Variants in ATP6V1E1 observed in about 807,000 individuals in gnomAD.
ATP6V1E1 encodes the protein ATPase H+ transporting V1 subunit E1.
Under a neutral mutation model 35.2 loss-of-function variants are expected in ATP6V1E1, and 21 were observed. The observed-to-expected ratio is 0.60, with a 90% CI of 0.42 to 0.86. The LOEUF (loss-of-function observed/expected upper bound fraction) is 0.86, where lower values mean the gene tolerates loss of function less well. Among genes scored for constraint, ATP6V1E1 ranks in the 40% least tolerant of loss-of-function variants. ATP6V1E1 has a pLI of 0.00. For synonymous variants in ATP6V1E1, 83 were observed against 87.8 expected, an observed-to-expected ratio of 0.95 and a Z score of 0.30; for missense variants, 183 against 272.6, an observed-to-expected ratio of 0.67 and a Z score of 2.32.
At chr22:17,593,691 G>C (rs886653542) in intron 8 of ATP6V1E1, among the ~76,000 whole-genome samples, 1 of 152,200 alleles carries the variant, frequency 6.6e-6, no homozygotes, top group African/African-American at 2.4e-5. Flanking sequence ...AGGTGAAAGT[G>C]CTTTAGTTAT....
chr22:17,604,903 C>T (rs540318092), intron 4 of ATP6V1E1, among the ~76,000 whole-genome samples: 7 of 152,172 alleles, frequency 4.6e-5, no homozygotes, highest in African/African-American at 1.7e-4. Flanking sequence ...AATGTTAATG[C>T]TTATTTATTC....
At chr22:17,616,256 G>A (rs1302265237) in intron 2 of ATP6V1E1, among the ~76,000 whole-genome samples, 2 of 152,212 alleles carry the variant, frequency 1.3e-5, no homozygotes, top group African/African-American at 4.8e-5. Context: ...GCTAAAGCAA[G>A]AGAATTGCTT....
intron 4 of ATP6V1E1, among the ~76,000 whole-genome samples, chr22:17,608,992 C>A (rs1055207968): frequency 6.6e-6 from 1 of 151,802 alleles, no homozygotes; most frequent in African/African-American, 2.4e-5. Flanking sequence ...GAGGCTGAGG[C>A]AGGAGACTGG....
chr22:17,618,887 C>G (rs1367618989), intron 2 of ATP6V1E1: 1 of 416,120 alleles, frequency 2.4e-6, no homozygotes, highest in African/African-American at 2.1e-5. Context: ...GTAGTCCCAG[C>G]TACTTGGGAG....
At chr22:17,608,545 C>G (rs781014478) in intron 4 of ATP6V1E1, among the ~76,000 whole-genome samples, 3 of 152,184 alleles carry the variant, frequency 2.0e-5, no homozygotes, top group Non-Finnish European at 4.4e-5. Context: ...CCCATCTCAG[C>G]CTCCAGAGTA....
chr22:17,628,461 C>T, intron 1 of ATP6V1E1, 142 bp downstream of exon 1: 1 of 1,174,418 alleles, frequency 8.5e-7, no homozygotes, highest in Non-Finnish European at 1.3e-6. Flanking sequence ...CTCAGGCCGA[C>T]CTCTTGGATC....
chr22:17,627,289 G>A (rs1022254157), intron 1 of ATP6V1E1, among the ~76,000 whole-genome samples: 11 of 151,462 alleles, frequency 7.3e-5, no homozygotes, highest in East Asian at 2.0e-4. Flanking sequence ...CACCATGCCC[G>A]GCTAATTTTT....
chr22:17,605,119 C>T (rs1013637509), intron 4 of ATP6V1E1, among the ~76,000 whole-genome samples: 8 of 146,860 alleles, frequency 5.4e-5, no homozygotes, highest in Non-Finnish European at 1.2e-4. Context: ...GCAGGAGAAT[C>T]GCTTGAACCC....
At chr22:17,627,076 G>T (rs897310971) in intron 1 of ATP6V1E1, among the ~76,000 whole-genome samples, 2 of 151,984 alleles carry the variant, frequency 1.3e-5, no homozygotes, top group African/African-American at 4.8e-5. Flanking sequence ...TGCAACCTCC[G>T]CCTGCCGGGT....
At position 17,592,424 on chromosome 22, in the gene ATP6V1E1, G is replaced by C. The variant is rs2057707352; in HGVS notation, c.*250C>G. ...ACCACCATCTGCCCCCTCCCCTAGTGCTGCAGAACCGGCTGGACACTGTCA... is the reference window on the plus strand; with the variant it reads ...ACCACCATCTGCCCCCTCCCCTAGTCCTGCAGAACCGGCTGGACACTGTCA... On this transcript the variant is annotated 3_prime_UTR_variant, in exon 9 of 9. Coordinates refer to ENST00000253413, the MANE Select transcript of ATP6V1E1 (RefSeq NM_001696.4). 6.1e-6 allele frequency: 3 copies of C among 495,214 alleles called. No individual in the cohort carries two copies. The highest frequency in any genetic ancestry group is 1.1e-5 in the Non-Finnish European group (3 of 274,194). The allele number at this position is 495,214 out of a possible 1,614,324, so 30.7% of individuals were successfully genotyped here.
chr22:17,622,901 G>A (rs917588786), intron 1 of ATP6V1E1, among the ~76,000 whole-genome samples: 1 of 152,114 alleles, frequency 6.6e-6, no homozygotes, highest in Non-Finnish European at 1.5e-5. Context: ...TGGAGGCGGA[G>A]GTTGTGGTAG....
chr22:17,608,597 T>A (rs5747264), intron 4 of ATP6V1E1, among the ~76,000 whole-genome samples: 52,582 of 151,660 alleles, frequency 0.35, 9,390 homozygotes, highest in African/African-American at 0.41. Context: ...TGCTAATTTT[T>A]AAAAATTTTT....
chr22:17,613,150 A>T, intron 3 of ATP6V1E1, 61 bp downstream of exon 3: 3 of 1,437,772 alleles, frequency 2.1e-6, no homozygotes, highest in Non-Finnish European at 2.9e-6. Context: ...CTGACTCCAA[A>T]GCGCCTGCTC....
At chr22:17,599,832 G>A (rs2057753094) in intron 6 of ATP6V1E1, among the ~76,000 whole-genome samples, 195 bp downstream of exon 6, 1 of 151,570 alleles carries the variant, frequency 6.6e-6, no homozygotes, top group African/African-American at 2.4e-5. Flanking sequence ...GGCTGAGGCA[G>A]GAGAATCGCT....
At chr22:17,595,919 A>C (rs546145620) in intron 7 of ATP6V1E1, among the ~76,000 whole-genome samples, 4 of 152,088 alleles carry the variant, frequency 2.6e-5, no homozygotes, top group Non-Finnish European at 5.9e-5. Context: ...TCACGACATC[A>C]GGAGATTGAG....
Position 17,619,444 on chromosome 22 carries a change from T to C in ATP6V1E1, c.99+17A>G, listed in dbSNP as rs202064058. The C allele has an allele frequency of 1.6e-5, 26 of 1,589,454 alleles. No homozygotes were observed. In the African/African-American group the frequency reaches 3.4e-4, roughly 21 times the overall value. On this transcript the variant is annotated intron_variant, in intron 2 of 8. Coordinates refer to ENST00000253413, the MANE Select transcript of ATP6V1E1 (RefSeq NM_001696.4). ...GGAAACCTTGATAACTTCTTAAAAC[T>C]AGAAAATGAATCTCACCTTTGCATC...
chr22:17,620,574 G>A (rs928842472), intron 1 of ATP6V1E1, among the ~76,000 whole-genome samples: 2 of 151,912 alleles, frequency 1.3e-5, no homozygotes, highest in Non-Finnish European at 2.9e-5. Context: ...CTGCCTCCTA[G>A]ACAGCTCTTT....
In ATP6V1E1 at chr22:17,628,554, T is replaced by C. The variant is rs764850968; in HGVS notation, c.33+49A>G. 1.3e-5 allele frequency: 21 copies of C among 1,613,212 alleles called. 1 individual carries two copies. In the Middle Eastern group the frequency reaches 8.3e-4, roughly 63 times the overall value. On this transcript the variant is annotated intron_variant, in intron 1 of 8. Coordinates refer to ENST00000253413, the MANE Select transcript of ATP6V1E1 (RefSeq NM_001696.4). ...CTTCCCTAGGCGGGCTCCAGCCCAC[T>C]CCCCGGGACTGCCGCCGCGGCTTCG...
intron 1 of ATP6V1E1, among the ~76,000 whole-genome samples, chr22:17,625,336 G>A (rs920921548): frequency 1.3e-5 from 2 of 152,108 alleles, no homozygotes; most frequent in African/African-American, 4.8e-5. Context: ...CATGATCTCG[G>A]CTTGCTGCAA....
Sources: gnomAD v4.1 joint callset for allele counts (sites outside exome capture counted in the v4.1 genomes callset) on GRCh38, gnomAD v4.1.1 for gene constraint, MANE v1.5 for transcripts, NCBI Gene and HGNC (gene_info 2026-07-23, HGNC 2026-07-21) for gene names.